MAP4K3: variants seen among roughly 807,000 people sequenced by gnomAD.
The protein encoded by MAP4K3 is mitogen-activated protein kinase kinase kinase kinase 3.
A neutral mutation model predicts 143.5 loss-of-function variants in MAP4K3; 94 were observed. That is an observed-to-expected ratio of 0.65 (90% CI 0.55 to 0.78). The LOEUF is 0.78. Among genes scored for constraint, MAP4K3 ranks in the 30% least tolerant of loss-of-function variants. The probability of loss-of-function intolerance (pLI) is 0.00; values close to 1 mark genes in which losing one functional copy is unlikely to be tolerated. For missense variants in MAP4K3, 1,077 were observed against 1,068.1 expected, an observed-to-expected ratio of 1.01 and a Z score of -0.12; for synonymous variants, 416 against 347.2, an observed-to-expected ratio of 1.20 and a Z score of -2.20.
chr2:39,310,101 ATTTC>A (rs1682892206), intron 13 of MAP4K3, among the ~76,000 whole-genome samples: 1 of 152,222 alleles, frequency 6.6e-6, no homozygotes, highest in African/African-American at 2.4e-5. Flanking sequence ...AACATTTACC[ATTTC>A]TTTGTGTTGG....
intron 4 of MAP4K3, among the ~76,000 whole-genome samples, chr2:39,339,005 A>G (rs751576681): frequency 4.6e-5 from 7 of 152,224 alleles, no homozygotes; most frequent in Non-Finnish European, 7.3e-5. Context: ...GTACACTAAA[A>G]TAGTTTTCTT....
intron 26 of MAP4K3, among the ~76,000 whole-genome samples, chr2:39,268,661 A>T (rs1680882750): frequency 6.8e-5 from 1 of 14,774 alleles, no homozygotes. Flanking sequence ...TTTTTTTGAG[A>T]CGGAGTCTCG....
Position 39,436,931 on chromosome 2 carries a change from A to T in MAP4K3, c.57T>A (p.Ile19=). Residue 19 remains isoleucine, a synonymous_variant, in exon 1 of 34, where the codon ATT becomes ATA. Coordinates refer to ENST00000263881, the MANE Select transcript of MAP4K3 (RefSeq NM_003618.4). ...RRNPQEDFEL[I]QRIGSGTYGD... Reference sequence around the variant, plus strand: ...CGTAGGTGCCGCTGCCGATGCGCTGAATCAGCTCGAAGTCCTCCTGCGGGT... The same window carrying T: ...CGTAGGTGCCGCTGCCGATGCGCTGTATCAGCTCGAAGTCCTCCTGCGGGT... 1 of 1,612,774 alleles carries T rather than the reference A, an allele frequency of 6.2e-7. No homozygotes were observed. Among genetic ancestry groups the T allele is most frequent in the Non-Finnish European group, 8.5e-7 (1 of 1,179,460 alleles).
chr2:39,341,100 A>C (rs1446994608), intron 4 of MAP4K3, among the ~76,000 whole-genome samples: 1 of 152,200 alleles, frequency 6.6e-6, no homozygotes, highest in East Asian at 1.9e-4. Flanking sequence ...AAAAGTAAAA[A>C]TAAACCCATT....
chr2:39,296,745 T>C (rs957454252), intron 16 of MAP4K3, among the ~76,000 whole-genome samples: 1 of 152,248 alleles, frequency 6.6e-6, no homozygotes, highest in African/African-American at 2.4e-5. Flanking sequence ...GCAGTTTTAT[T>C]CACTCACATT....
chr2:39,384,902 G>T (rs1456475102), intron 1 of MAP4K3, among the ~76,000 whole-genome samples: 5 of 152,054 alleles, frequency 3.3e-5, no homozygotes, highest in Admixed American at 6.5e-5. Flanking sequence ...AAACTCCAAT[G>T]GAAGTCATAA....
intron 1 of MAP4K3, among the ~76,000 whole-genome samples, chr2:39,413,334 G>A (rs1667280962): frequency 6.6e-6 from 1 of 152,058 alleles, no homozygotes; most frequent in Non-Finnish European, 1.5e-5. Flanking sequence ...AATTAACGAG[G>A]GAGCTAGGAA....
intron 1 of MAP4K3, among the ~76,000 whole-genome samples, chr2:39,411,565 G>A (rs1667233325): frequency 6.6e-6 from 1 of 152,198 alleles, no homozygotes. Flanking sequence ...AAACTACAAT[G>A]TTACAATTCT....
chr2:39,356,750 T>C (rs1470005225), intron 2 of MAP4K3, among the ~76,000 whole-genome samples: 3 of 152,252 alleles, frequency 2.0e-5, no homozygotes, highest in Admixed American at 6.5e-5. Context: ...GCATGGAGTA[T>C]GCTTTATACA....
rs893785812 is a variant in MAP4K3, at chr2:39,345,745, A to C, written c.246-2293T>G. Among the ~76,000 whole-genome samples, 4 of 151,826 alleles carry C rather than the reference A, an allele frequency of 2.6e-5. No homozygotes were observed. The East Asian group carries it at 7.8e-4, about 30-fold the overall frequency. On this transcript the variant is annotated intron_variant, in intron 3 of 33. Transcript: ENST00000263881. ...CCATCCTGGCTAACACGGTGAAACC[A>C]CGTCTCTACTAAAAATACAAGAAGA...
At chr2:39,272,193 C>T (rs1447582347) in intron 26 of MAP4K3, 90 bp downstream of exon 26, 6 of 967,712 alleles carry the variant, frequency 6.2e-6, no homozygotes, top group Admixed American at 2.2e-5. Context: ...TTTTATTAAC[C>T]CAAACTGAGT....
intron 26 of MAP4K3, among the ~76,000 whole-genome samples, chr2:39,268,148 T>A (rs1161618210): frequency 2.0e-5 from 3 of 152,132 alleles, no homozygotes; most frequent in African/African-American, 7.2e-5. Context: ...TTTGCAAACA[T>A]CTGACTCGAA....
At chr2:39,339,158 A>G (rs1442709175) in intron 4 of MAP4K3, among the ~76,000 whole-genome samples, 13 of 152,208 alleles carry the variant, frequency 8.5e-5, no homozygotes, top group Non-Finnish European at 1.8e-4. Flanking sequence ...TTTAGTTTGG[A>G]GTACTTGTGG....
intron 2 of MAP4K3, among the ~76,000 whole-genome samples, chr2:39,368,059 T>A: frequency 6.6e-6 from 1 of 152,230 alleles, no homozygotes; most frequent in East Asian, 1.9e-4. Context: ...CCAGCTCTTT[T>A]GAGAGCCAGG....
At chr2:39,316,251 C>A (rs1683109492) in intron 12 of MAP4K3, among the ~76,000 whole-genome samples, 1 of 152,038 alleles carries the variant, frequency 6.6e-6, no homozygotes, top group African/African-American at 2.4e-5. Flanking sequence ...AAAACTTATA[C>A]TCTGAATGTC....
At chr2:39,365,670 T>C (rs1179677392) in intron 2 of MAP4K3, among the ~76,000 whole-genome samples, 3 of 151,268 alleles carry the variant, frequency 2.0e-5, no homozygotes, top group Admixed American at 2.0e-4. Context: ...GGTCTCGATC[T>C]CCTGACCTCA....
At chr2:39,373,167 C>T (rs1384067742) in intron 2 of MAP4K3, among the ~76,000 whole-genome samples, 1 of 152,062 alleles carries the variant, frequency 6.6e-6, no homozygotes, top group Non-Finnish European at 1.5e-5. Flanking sequence ...ATAAAAATGG[C>T]AAACAGGTAT....
At chr2:39,289,838 A>G (rs1298650257) in intron 19 of MAP4K3, among the ~76,000 whole-genome samples, 2 of 152,172 alleles carry the variant, frequency 1.3e-5, no homozygotes, top group African/African-American at 2.4e-5. Flanking sequence ...TAATCCCACA[A>G]CTTTGGGAGG....
At chr2:39,331,322 C>G (rs1406114817) in intron 8 of MAP4K3, among the ~76,000 whole-genome samples, 5 of 152,108 alleles carry the variant, frequency 3.3e-5, no homozygotes, top group African/African-American at 1.2e-4. Flanking sequence ...AAAAACTATT[C>G]TGTAAATAAA....
Sources: allele counts gnomAD v4.1 joint callset (sites outside exome capture counted in the v4.1 genomes callset), GRCh38; gene constraint gnomAD v4.1.1; transcripts MANE v1.5; gene names NCBI Gene and HGNC (gene_info 2026-07-23, HGNC 2026-07-21).